NMD3: variants seen among roughly 807,000 people sequenced by gnomAD.
The protein encoded by NMD3 is 60S ribosomal export protein NMD3.
A neutral mutation model predicts 73.1 loss-of-function variants in NMD3; 47 were observed. The ratio of observed to expected loss-of-function variants is 0.64; its 90% CI spans 0.51 to 0.82. NMD3 has a LOEUF of 0.82. Among genes scored for constraint, NMD3 ranks in the 40% least tolerant of loss-of-function variants. The pLI is 0.00. For missense variants in NMD3, 554 were observed against 612.5 expected, an observed-to-expected ratio of 0.90 and a Z score of 1.01; for synonymous variants, 210 against 194.5, an observed-to-expected ratio of 1.08 and a Z score of -0.66.
intron 5 of NMD3, among the ~76,000 whole-genome samples, chr3:161,233,696 T>G (rs1255681994): frequency 6.6e-6 from 1 of 152,220 alleles, no homozygotes; most frequent in African/African-American, 2.4e-5. Context: ...AGAGTTATTT[T>G]TATTAGGAAA....
intron 1 of NMD3, 94 bp from the exon 2 acceptor site, chr3:161,221,900 A>C: frequency 1.3e-6 from 1 of 754,950 alleles, no homozygotes; most frequent in Non-Finnish European, 2.1e-6. Flanking sequence ...ATTCAGAGAG[A>C]CTGGAGGAAG....
At position 161,235,199 on chromosome 3, in the gene NMD3, C is replaced by G; in HGVS notation, c.564C>G (p.Ile188Met). 2 of 1,507,158 alleles carry G rather than the reference C, an allele frequency of 1.3e-6. No homozygotes were observed. The highest frequency in any genetic ancestry group is 1.8e-6 in the Non-Finnish European group (2 of 1,099,774). 93.4% of individuals were successfully genotyped at this position (1,507,158 alleles called of 1,614,324 possible). The change falls in exon 7 of 16, where the codon ATC (isoleucine) becomes ATG (methionine). Residue 188 changes from isoleucine to methionine, a missense_variant. Physicochemically the swap from Ile to Met is conservative, Grantham distance 10. Coordinates refer to ENST00000351193, the MANE Select transcript of NMD3 (RefSeq NM_015938.5). ...GAATGCATCAGAATACACTTCGTAT[C>G]AAAGAGATTCATGGTGAGTTAAAAC... Reference protein sequence around the residue: ...KYGMHQNTLRIKEIHDGLDFY... With the variant: ...KYGMHQNTLRMKEIHDGLDFY...
rs752365316 is a variant in NMD3 at position 161,221,973 on chromosome 3, T to C, written c.-20-21T>C. 9.7e-4 allele frequency: 551 copies of C among 568,738 alleles called. 6 individuals carry two copies. In the African/African-American group the frequency reaches 0.016, roughly 17 times the overall value. The allele number at this position is 568,738 out of a possible 1,614,324, so 35.2% of individuals were successfully genotyped here. On this transcript the variant is annotated intron_variant, in intron 1 of 15. Transcript: ENST00000351193. ...CCAACATTCTCTTTTTTTTTTTTTT[T>C]TTTTTTTTTTTTTTTAAAAGAACTT...
intron 7 of NMD3, among the ~76,000 whole-genome samples, chr3:161,235,632 A>T (rs963074194): frequency 6.6e-6 from 1 of 152,068 alleles, no homozygotes; most frequent in African/African-American, 2.4e-5. Flanking sequence ...CTAGCATTTA[A>T]TTAACCTCTA....
rs371325188 is a variant in NMD3 at position 161,250,907 on chromosome 3, A to G, written c.1509A>G (p.Thr503=). 6.2e-7 allele frequency: 1 copy of G among 1,611,460 alleles called. No homozygotes were observed. The highest frequency in any genetic ancestry group is 1.3e-5 in the African/African-American group (1 of 75,004). Residue 503 remains threonine (T), a synonymous_variant, in exon 16 of 16, where the codon ACA becomes ACG. Transcript: ENST00000351193. ...ATGEEGASML[T] is the part of the protein sequence containing the mutation. Reference sequence around the variant, plus strand: ...GTGAAGAAGGTGCATCAATGCTGACATAATGAGATGTTGTAGACTGTTTCC... The same window carrying G: ...GTGAAGAAGGTGCATCAATGCTGACGTAATGAGATGTTGTAGACTGTTTCC...
chr3:161,245,775 G>T (rs1031907019), intron 11 of NMD3, among the ~76,000 whole-genome samples: 2 of 151,716 alleles, frequency 1.3e-5, no homozygotes, highest in Non-Finnish European at 2.9e-5. Flanking sequence ...TATAGCAGAT[G>T]TACTATATTA....
intron 11 of NMD3, 38 bp downstream of exon 11, chr3:161,242,691 C>T (rs748292977): frequency 3.1e-5 from 49 of 1,577,986 alleles, no homozygotes; most frequent in East Asian, 2.2e-5. Flanking sequence ...TTTTTTTTTC[C>T]CCTCAGTTAT....
At chr3:161,246,124 AT>A (rs1463822278) in intron 11 of NMD3, among the ~76,000 whole-genome samples, 2 of 152,148 alleles carry the variant, frequency 1.3e-5, no homozygotes, top group African/African-American at 4.8e-5. Context: ...AAAGTCAATG[AT>A]TTATTTTTAT....
chr3:161,224,345 G>A (rs761097130), intron 2 of NMD3, among the ~76,000 whole-genome samples: 2 of 152,202 alleles, frequency 1.3e-5, no homozygotes, highest in Non-Finnish European at 2.9e-5. Context: ...ATGAAATTCT[G>A]TTGGACAGTA....
intron 13 of NMD3, among the ~76,000 whole-genome samples, chr3:161,248,484 C>T (rs560300911): frequency 8.8e-4 from 133 of 151,956 alleles, no homozygotes; most frequent in African/African-American, 2.8e-3. Flanking sequence ...AGCAAGATTC[C>T]GTCTCCAAAA....
Position 161,250,931 on chromosome 3 carries a change from C to T in NMD3, c.*21C>T. ...CATAATGAGATGTTGTAGACTGTTTCCATACATGGGCTTAAGAAGTTGGAC... is the reference window on the plus strand; with the variant it reads ...CATAATGAGATGTTGTAGACTGTTTTCATACATGGGCTTAAGAAGTTGGAC... On this transcript the variant is annotated 3_prime_UTR_variant, in exon 16 of 16. Transcript: ENST00000351193. 2 of 1,601,462 alleles carry T rather than the reference C, an allele frequency of 1.2e-6. No individual in the cohort carries two copies. The highest frequency in any genetic ancestry group is 1.7e-6 in the Non-Finnish European group (2 of 1,172,216).
intron 8 of NMD3, 31 bp downstream of exon 8, chr3:161,238,222 C>T: frequency 7.3e-7 from 1 of 1,364,600 alleles, no homozygotes; most frequent in East Asian, 2.3e-5. Context: ...GTGACTAAAT[C>T]TAAGGACTTG....
intron 2 of NMD3, among the ~76,000 whole-genome samples, 190 bp downstream of exon 2, chr3:161,222,247 A>G (rs1736129951): frequency 6.6e-6 from 1 of 152,138 alleles, no homozygotes; most frequent in Admixed American, 6.5e-5. Context: ...TAGTAAATAT[A>G]AGCTCTAAGA....
At chr3:161,227,120 G>T in intron 3 of NMD3, 127 bp from the exon 4 acceptor site, 2 of 529,306 alleles carry the variant, frequency 3.8e-6, no homozygotes, top group Non-Finnish European at 6.8e-6. Context: ...TTTGAGTTAA[G>T]TGCTTCATAT....
intron 3 of NMD3, among the ~76,000 whole-genome samples, chr3:161,226,549 CT>C (rs1183882110): frequency 2.0e-5 from 3 of 152,062 alleles, no homozygotes; most frequent in Non-Finnish European, 1.5e-5. Context: ...AAAGTCAAAA[CT>C]TTCTGTTATG....
At chr3:161,226,596 T>G (rs2108075917) in intron 3 of NMD3, among the ~76,000 whole-genome samples, 1 of 152,300 alleles carries the variant, frequency 6.6e-6, no homozygotes, top group African/African-American at 2.4e-5. Context: ...ACATAACATG[T>G]TTGGAAGTAT....
At position 161,238,117 on chromosome 3, in the gene NMD3, T is replaced by C. The variant is rs774124046; in HGVS notation, c.582T>C (p.Gly194=). 2 of 1,581,480 alleles carry C rather than the reference T, an allele frequency of 1.3e-6. No individual in the cohort carries two copies. The highest frequency in any genetic ancestry group is 1.8e-5 in the Admixed American group (1 of 55,580). The change falls in exon 8 of 16, where the codon GGT becomes GGC. Residue 194 remains glycine, a synonymous_variant. Coordinates refer to ENST00000351193, the MANE Select transcript of NMD3 (RefSeq NM_015938.5). ...GGCTTTTTTTTTTTTTTTAAGATGGTCTGGATTTTTATTATTCCTCAAAAC... is the reference window on the plus strand; with the variant it reads ...GGCTTTTTTTTTTTTTTTAAGATGGCCTGGATTTTTATTATTCCTCAAAAC... The part of the protein sequence containing the change: ...NTLRIKEIHD[G]LDFYYSSKQH...
chr3:161,229,627 G>T (rs1354845179), intron 4 of NMD3, among the ~76,000 whole-genome samples: 1 of 152,184 alleles, frequency 6.6e-6, no homozygotes, highest in African/African-American at 2.4e-5. Context: ...GATATAGATA[G>T]TATTTAAGGT....
chr3:161,232,648 T>TA (rs1360656726), intron 4 of NMD3, among the ~76,000 whole-genome samples: 6 of 152,206 alleles, frequency 3.9e-5, no homozygotes, highest in Non-Finnish European at 8.8e-5. Flanking sequence ...CATTAAATCT[T>TA]ACAGATTTTT....
Sources: gnomAD v4.1 joint callset for allele counts (sites outside exome capture counted in the v4.1 genomes callset) on GRCh38, gnomAD v4.1.1 for gene constraint, MANE v1.5 for transcripts, NCBI Gene and HGNC (gene_info 2026-07-23, HGNC 2026-07-21) for gene names.